The following UTP6 variants were observed in gnomAD, a reference collection of about 807,000 sequenced individuals.
UTP6 encodes the protein UTP6 small subunit processome component.
Under a neutral mutation model 96.5 loss-of-function variants are expected in UTP6, and 60 were observed. The observed-to-expected ratio is 0.62, with a 90% confidence interval of 0.51 to 0.77. UTP6 has a LOEUF of 0.77. Ranked by LOEUF, UTP6 falls within the 30% of genes least tolerant of loss-of-function variation. The pLI is 0.00. For synonymous variants in UTP6, 215 were observed against 240.1 expected (o/e 0.90, Z 0.96); for missense variants, 637 against 706.5 (o/e 0.90, Z 1.12).
intron 2 of UTP6, among the ~76,000 whole-genome samples, chr17:31,895,470 G>T (rs1904578876): frequency 6.6e-6 from 1 of 152,140 alleles, no homozygotes; most frequent in South Asian, 2.1e-4. Context: ...TTATTATAAT[G>T]ATGTCTTGAA....
intron 5 of UTP6, 31 bp from the exon 6 acceptor site, chr17:31,892,354 G>C (rs1314611822): frequency 6.3e-7 from 1 of 1,591,426 alleles, no homozygotes; most frequent in African/African-American, 1.3e-5. Context: ...TCTACTTCCT[G>C]CACAGATAAA....
chr17:31,861,223 G>A lies in UTP6; in HGVS notation c.*2136C>T, dbSNP rs894871674. On this transcript the variant is annotated 3_prime_UTR_variant, in exon 19 of 19. Coordinates refer to ENST00000261708, the MANE Select transcript of UTP6 (RefSeq NM_018428.3). ...CACTCCAGCCTGGACCACAGAGCAA[G>A]ACTCTGTCTCAAAAAAAAAAAATCA... The A allele has an allele frequency of 6.6e-5, 10 of 150,626 alleles. No homozygotes were observed. The highest frequency in any genetic ancestry group is 2.4e-4 in the African/African-American group (10 of 41,104). 9.3% of individuals were successfully genotyped at this position (150,626 alleles called of 1,614,324 possible).
chr17:31,868,766 A>T (rs1231862636), intron 16 of UTP6, among the ~76,000 whole-genome samples: 1 of 152,206 alleles, frequency 6.6e-6, no homozygotes, highest in African/African-American at 2.4e-5. Flanking sequence ...AATATGGACA[A>T]ATATTTGTGC....
intron 15 of UTP6, 36 bp downstream of exon 15, chr17:31,873,637 C>G (rs778848494): frequency 6.2e-7 from 1 of 1,613,726 alleles, no homozygotes; most frequent in South Asian, 1.1e-5. Flanking sequence ...TTCTGCCATT[C>G]CCCACACCAC....
intron 7 of UTP6, among the ~76,000 whole-genome samples, chr17:31,888,875 T>C (rs1349092681): frequency 2.0e-5 from 3 of 151,946 alleles, no homozygotes; most frequent in African/African-American, 7.3e-5. Flanking sequence ...ATCGAGATCA[T>C]CCTGGCTAAC....
intron 11 of UTP6, 135 bp from the exon 12 acceptor site, chr17:31,878,916 A>C: frequency 2.7e-6 from 2 of 749,832 alleles, no homozygotes; most frequent in South Asian, 3.8e-5. Context: ...TCTGAAGAAG[A>C]GTTTAAATCA....
At chr17:31,889,026 C>T (rs368215735) in intron 7 of UTP6, among the ~76,000 whole-genome samples, 3 of 150,446 alleles carry the variant, frequency 2.0e-5, no homozygotes, top group Admixed American at 6.6e-5. Context: ...GAGCCGAGAC[C>T]GTGCCACTGC....
In UTP6 at chr17:31,875,278, T is replaced by C. The variant is rs779627678; in HGVS notation, c.1261A>G (p.Ile421Val). 1.7e-5 allele frequency: 28 copies of C among 1,614,178 alleles called. No homozygotes were observed. The highest frequency in any genetic ancestry group is 2.4e-5 in the Non-Finnish European group (28 of 1,180,032). ...AAGGCTTCTTCAAAAAGCATGGCTATGTCAGGGCTCTTTGACTCGATCAGC... is the reference window on the plus strand; with the variant it reads ...AAGGCTTCTTCAAAAAGCATGGCTACGTCAGGGCTCTTTGACTCGATCAGC... ...QVLIESKSPD[I>V]AMLFEEAFVH... is the part of the protein sequence containing the mutation. The change falls in exon 14 of 19, where the codon ATA becomes GTA. Residue 421 changes from isoleucine to valine, a missense_variant. By Grantham distance (29) the Ile-to-Val change is conservative (BLOSUM62 3). Transcript: ENST00000261708.
rs546591696 is a variant in UTP6, at chr17:31,883,212, A to G, written c.785+1212T>C. Among the ~76,000 whole-genome samples, 13 of 152,178 alleles carry G rather than the reference A, an allele frequency of 8.5e-5. No homozygotes were observed. In the South Asian group the frequency reaches 1.7e-3, roughly 19 times the overall value. On this transcript the variant is annotated intron_variant, in intron 10 of 18. Transcript: ENST00000261708. ...AAATAAAAATATAATAAAGAAATAA[A>G]AAGAATAAAATTACCAGCACTCAAC...
chr17:31,878,803 T>C (rs1374875282), intron 11 of UTP6, 22 bp from the exon 12 acceptor site: 1 of 1,608,620 alleles, frequency 6.2e-7, no homozygotes, highest in African/African-American at 1.3e-5. Flanking sequence ...AGAAAGATTG[T>C]GTTGATCAGA....
At chr17:31,869,018 G>A (rs1910004914) in intron 16 of UTP6, among the ~76,000 whole-genome samples, 1 of 152,138 alleles carries the variant, frequency 6.6e-6, no homozygotes, top group Non-Finnish European at 1.5e-5. Flanking sequence ...GGCTCAGGCA[G>A]GAGAATCACT....
At chr17:31,870,894 C>T (rs1032309547) in intron 16 of UTP6, among the ~76,000 whole-genome samples, 13 of 152,152 alleles carry the variant, frequency 8.5e-5, no homozygotes, top group Middle Eastern at 3.4e-3. Flanking sequence ...CGGCTCACTA[C>T]AGCCTCAACC....
intron 2 of UTP6, among the ~76,000 whole-genome samples, chr17:31,899,295 C>CA (rs1348906263): frequency 1.3e-5 from 2 of 151,584 alleles, no homozygotes; most frequent in African/African-American, 2.4e-5. Flanking sequence ...GCCCCTGCCT[C>CA]AAAAAAAAGT....
chr17:31,872,457 C>T (rs1910228779), intron 16 of UTP6, among the ~76,000 whole-genome samples: 1 of 151,140 alleles, frequency 6.6e-6, no homozygotes, highest in Non-Finnish European at 1.5e-5. Context: ...TGCTTGAGCC[C>T]AGGAGTTTGA....
At chr17:31,863,557 G>GT (rs1205838002) in intron 18 of UTP6, 41 bp from the exon 19 acceptor site, 2 of 1,530,866 alleles carry the variant, frequency 1.3e-6, no homozygotes, top group African/African-American at 2.8e-5. Context: ...CTGACAGAGT[G>GT]TTATTAGGTA....
chr17:31,875,119 T>C, intron 14 of UTP6, 115 bp downstream of exon 14: 1 of 1,224,854 alleles, frequency 8.2e-7, no homozygotes. Context: ...CACCACTGAA[T>C]AGCAAATGCC....
chr17:31,894,867 CCA>C (rs1220892038), intron 3 of UTP6, 101 bp downstream of exon 3: 3 of 1,285,492 alleles, frequency 2.3e-6, no homozygotes, highest in South Asian at 2.5e-5. Context: ...AGGCATATCA[CCA>C]CAGTTTTATC....
In UTP6 at chr17:31,891,794, G is replaced by A. The variant is rs375928372; in HGVS notation, c.424+466C>T. Among the ~76,000 whole-genome samples, 11 of 152,278 alleles carry A rather than the reference G, an allele frequency of 7.2e-5. No individual in the cohort carries two copies. The East Asian group carries it at 1.7e-3, about 24-fold the overall frequency. The stretch of plus-strand genomic sequence containing the variant: ...TCCCAGCACTTTGGAAGGCCAAGGC[G>A]GGTGGATCACGAGGTCAGGGGTTCG... On this transcript the variant is annotated intron_variant, in intron 6 of 18. Transcript: ENST00000261708.
At chr17:31,896,524 C>A (rs924911826) in intron 2 of UTP6, among the ~76,000 whole-genome samples, 4 of 151,962 alleles carry the variant, frequency 2.6e-5, no homozygotes, top group Admixed American at 6.6e-5. Context: ...ATTTTCTTCT[C>A]GATTTACAGT....
Sources: gnomAD v4.1 joint callset for allele counts (sites outside exome capture counted in the v4.1 genomes callset) on GRCh38, gnomAD v4.1.1 for gene constraint, MANE v1.5 for transcripts, NCBI Gene and HGNC (gene_info 2026-07-23, HGNC 2026-07-21) for gene names.